SNCAIP: variants seen among roughly 807,000 people sequenced by gnomAD.
The protein encoded by SNCAIP is synphilin-1.
SNCAIP carries 43 observed loss-of-function variants against 86.7 expected under a neutral mutation model. That is an observed-to-expected ratio of 0.50 (90% CI 0.39 to 0.64). The LOEUF is 0.64. Among genes scored for constraint, SNCAIP ranks in the 30% least tolerant of loss-of-function variants. The probability of loss-of-function intolerance (pLI) is 0.00; values close to 1 mark genes in which losing one functional copy is unlikely to be tolerated. For synonymous variants in SNCAIP, 417 were observed against 427.2 expected (o/e 0.98, Z 0.29); for missense variants, 981 against 1,103.1 (o/e 0.89, Z 1.57).
rs150945913 is a variant in SNCAIP, at chr5:122,334,988, C to T, written c.-47+22704C>T. Among the ~76,000 whole-genome samples, 307 of 152,096 alleles carry T rather than the reference C, an allele frequency of 2.0e-3. 6 individuals carry two copies. In the East Asian group the frequency reaches 0.053, roughly 26 times the overall value. Reference sequence around the variant, plus strand: ...ATATTACTAAATCTGTAGATTTAGCCGGGAGATATTCTAAAATGCAAGTGA... The same window carrying T: ...ATATTACTAAATCTGTAGATTTAGCTGGGAGATATTCTAAAATGCAAGTGA... On this transcript the variant is annotated intron_variant, in intron 1 of 10. Transcript: ENST00000261368.
intron 1 of SNCAIP, among the ~76,000 whole-genome samples, chr5:122,337,547 G>C (rs112700768): frequency 6.6e-6 from 1 of 151,086 alleles, no homozygotes; most frequent in East Asian, 1.9e-4. Context: ...TTGTTTGTTT[G>C]TTTGTTTTTG....
At chr5:122,411,724 C>T (rs1373302760) in intron 3 of SNCAIP, among the ~76,000 whole-genome samples, 2 of 152,092 alleles carry the variant, frequency 1.3e-5, no homozygotes, top group Non-Finnish European at 2.9e-5. Flanking sequence ...ACCCCAGCAC[C>T]GTAAGCGTCA....
At position 122,383,216 on chromosome 5, in the gene SNCAIP, G is replaced by A. The variant is rs767676784; in HGVS notation, c.-46-7873G>A. 3.5e-4 allele frequency among the ~76,000 whole-genome samples: 54 copies of A among 152,322 alleles called. 2 individuals are homozygous for A. The South Asian group carries it at 8.5e-3, about 24-fold the overall frequency. The stretch of plus-strand genomic sequence containing the variant: ...AGACTCCGTGGGCGTAGGACCCTCC[G>A]AGCCAGGTGCGGGATATAATCTCGT... On this transcript the variant is annotated intron_variant, in intron 1 of 10. Transcript: ENST00000261368.
At chr5:122,354,504 T>G (rs1160406579) in intron 1 of SNCAIP, among the ~76,000 whole-genome samples, 5 of 152,148 alleles carry the variant, frequency 3.3e-5, no homozygotes, top group Non-Finnish European at 7.4e-5. Context: ...CTCATCTGCA[T>G]GTCAATGAGG....
At chr5:122,338,659 A>G (rs983393245) in intron 1 of SNCAIP, among the ~76,000 whole-genome samples, 1 of 152,218 alleles carries the variant, frequency 6.6e-6, no homozygotes. Context: ...GACTATATGA[A>G]ATCAAAACTT....
chr5:122,327,157 T>C (rs1754275927), intron 1 of SNCAIP, among the ~76,000 whole-genome samples: 1 of 152,130 alleles, frequency 6.6e-6, no homozygotes, highest in Admixed American at 6.6e-5. Context: ...AACTAGTGTA[T>C]TCCTAGTCAT....
intron 10 of SNCAIP, among the ~76,000 whole-genome samples, chr5:122,455,304 A>G (rs1388530702): frequency 1.3e-5 from 2 of 152,232 alleles, no homozygotes; most frequent in Non-Finnish European, 2.9e-5. Context: ...TCTCTGGCTG[A>G]AATAAAGATT....
At chr5:122,409,909 G>A (rs181678340) in intron 3 of SNCAIP, among the ~76,000 whole-genome samples, 8 of 152,290 alleles carry the variant, frequency 5.3e-5, no homozygotes, top group African/African-American at 1.9e-4. Context: ...AGTTTGAATT[G>A]AAAAGCTTGC....
intron 1 of SNCAIP, among the ~76,000 whole-genome samples, chr5:122,365,747 C>T (rs939982128): frequency 6.6e-6 from 1 of 152,166 alleles, no homozygotes; most frequent in Non-Finnish European, 1.5e-5. Context: ...CTTTTCCATT[C>T]ATTCAAAATA....
At chr5:122,403,952 CT>C (rs1377721161) in intron 3 of SNCAIP, 87 bp downstream of exon 3, 4 of 972,118 alleles carry the variant, frequency 4.1e-6, no homozygotes, top group African/African-American at 1.6e-5. Flanking sequence ...CTGGTCCCCC[CT>C]GCTTTCAGTT....
chr5:122,325,788 A>T (rs1753887980), intron 1 of SNCAIP, among the ~76,000 whole-genome samples: 1 of 152,100 alleles, frequency 6.6e-6, no homozygotes, highest in Non-Finnish European at 1.5e-5. Context: ...TGCATTCTTC[A>T]ATTTTTTTTG....
chr5:122,385,021 A>G (rs1767801911), intron 1 of SNCAIP, among the ~76,000 whole-genome samples: 1 of 152,138 alleles, frequency 6.6e-6, no homozygotes, highest in Non-Finnish European at 1.5e-5. Flanking sequence ...GACAACTGGA[A>G]CACTTCCTCC....
intron 8 of SNCAIP, chr5:122,444,943 A>G (rs973723816): frequency 1.7e-6 from 1 of 602,572 alleles, no homozygotes. Context: ...TCTAAACAGT[A>G]AAGTGTACAG....
rs144073583 is a variant in SNCAIP, at chr5:122,313,758, A to G, written c.-47+1474A>G. Among the ~76,000 whole-genome samples, 1,137 of 152,300 alleles carry G rather than the reference A, an allele frequency of 7.5e-3. 9 individuals are homozygous for G. Among genetic ancestry groups the G allele is most frequent in the African/African-American group, 0.026 (1,061 of 41,562 alleles). On this transcript the variant is annotated intron_variant, in intron 1 of 10. Coordinates refer to ENST00000261368, the MANE Select transcript of SNCAIP (RefSeq NM_005460.4). ...TCCTCAAGACTTTTTGGAAGGTGCA[A>G]TATTTCGGTACTGATCGCGGAAGTC...
rs1366389103 is a variant in SNCAIP at position 122,451,142 on chromosome 5, C to T, written c.2295C>T (p.Gly765=). Residue 765 remains glycine, a synonymous_variant, in exon 10 of 11, where the codon GGC becomes GGT. Coordinates refer to ENST00000261368, the MANE Select transcript of SNCAIP (RefSeq NM_005460.4). The part of the protein sequence containing the change: ...SEPDLESQYP[G]SGSIPPNQPS... ...CAGACTTAGAATCCCAGTATCCAGG[C>T]TCAGGGAGTATTCCTCCAAACCAGC... 4 of 1,614,118 alleles carry T rather than the reference C, an allele frequency of 2.5e-6. No individual in the cohort carries two copies. The highest frequency in any genetic ancestry group is 1.1e-5 in the South Asian group (1 of 91,086).
chr5:122,378,321 G>C (rs1362344196), intron 1 of SNCAIP, among the ~76,000 whole-genome samples: 15 of 136,842 alleles, frequency 1.1e-4, no homozygotes, highest in African/African-American at 4.2e-4. Context: ...TGTGTTTTTT[G>C]GCTGCATAAA....
At chr5:122,453,081 C>A (rs1230341733) in intron 10 of SNCAIP, 1 of 807,504 alleles carries the variant, frequency 1.2e-6, no homozygotes, top group Non-Finnish European at 2.0e-6. Flanking sequence ...ACTTGGAGCA[C>A]CTTTCATCAG....
At chr5:122,448,670 T>A (rs1355633785) in intron 8 of SNCAIP, among the ~76,000 whole-genome samples, 2 of 97,566 alleles carry the variant, frequency 2.0e-5, no homozygotes, top group Non-Finnish European at 4.8e-5. Flanking sequence ...ATTATATATA[T>A]TATATATGTT....
chr5:122,372,283 G>C (rs1764429396), intron 1 of SNCAIP, among the ~76,000 whole-genome samples: 1 of 152,156 alleles, frequency 6.6e-6, no homozygotes, highest in African/African-American at 2.4e-5. Flanking sequence ...AAAAAGCTAT[G>C]ATTTGCAACA....
Sources: gnomAD v4.1 joint callset for allele counts (sites outside exome capture counted in the v4.1 genomes callset) on GRCh38, gnomAD v4.1.1 for gene constraint, MANE v1.5 for transcripts, NCBI Gene and HGNC (gene_info 2026-07-23, HGNC 2026-07-21) for gene names.